The following ITGA5 variants were observed in gnomAD, a reference collection of about 807,000 sequenced individuals.
ITGA5 encodes integrin subunit alpha 5.
A neutral mutation model predicts 146.3 loss-of-function variants in ITGA5; 55 were observed. The observed-to-expected ratio is 0.38, with a 90% CI of 0.30 to 0.47. The LOEUF (loss-of-function observed/expected upper bound fraction) is 0.47. Ranked by LOEUF, ITGA5 falls within the 20% of genes least tolerant of loss-of-function variation. The pLI is 0.99. For synonymous variants in ITGA5, 500 were observed against 531.8 expected (o/e 0.94, Z 0.82); for missense variants, 1,131 against 1,329.0 (o/e 0.85, Z 2.32).
chr12:54,397,427 T>TGATCCACA lies in ITGA5; in HGVS notation c.2996_3003dup (p.Ile1002CysfsTer6). 1 of 1,614,164 alleles carries TGATCCACA rather than the reference T, an allele frequency of 6.2e-7. No individual in the cohort carries two copies. The highest frequency in any genetic ancestry group is 8.5e-7 in the Non-Finnish European group (1 of 1,180,016). On this transcript the variant is annotated frameshift_variant, in exon 29 of 30. Transcript: ENST00000293379. LOFTEE classifies it high-confidence loss of function. ...AGGCCAAACAGGATGGCTAGGATGA[T>TGATCCACA]GATCCACAGTGGGACGCCATAGCTG... is the stretch of plus-strand genomic sequence containing the variant.
Position 54,405,262 on chromosome 12 carries a change from G to A in ITGA5, c.1129C>T (p.Pro377Ser). The A allele has an allele frequency of 1.2e-6, 2 of 1,613,936 alleles. No individual in the cohort carries two copies. The highest frequency in any genetic ancestry group is 1.7e-6 in the Non-Finnish European group (2 of 1,179,930). ...VYLQHPAGIEPTPTLTLTGHD... is the reference protein window; with the variant it reads ...VYLQHPAGIESTPTLTLTGHD... ...CCAGTGAGGGTAAGGGTGGGCGTGGGCTCTATGCCGGCTGGGTGCTGCAGG... is the reference window on the plus strand; with the variant it reads ...CCAGTGAGGGTAAGGGTGGGCGTGGACTCTATGCCGGCTGGGTGCTGCAGG... Residue 377 changes from proline (P) to serine (S), a missense_variant, in exon 12 of 30, where the codon CCC becomes TCC. By Grantham distance (74) the Pro-to-Ser change is moderately conservative. This residue lies in a region of ITGA5 where 889 missense variants were observed against 1,021.5 expected (regional missense o/e 0.87). Coordinates refer to ENST00000293379, the MANE Select transcript of ITGA5 (RefSeq NM_002205.5).
chr12:54,401,366 C>T lies in ITGA5; in HGVS notation c.2493+7G>A, dbSNP rs1426907316. ...ATTCATTCTGGCCCTGCCCCTTCCC[C>T]CCTTACCTCATAGACATGGTGGACA... is the stretch of plus-strand genomic sequence containing the variant. On this transcript the variant is annotated splice_region_variant and intron_variant, in intron 24 of 29. Coordinates refer to ENST00000293379, the MANE Select transcript of ITGA5 (RefSeq NM_002205.5). This position sits in a 1 kb window ranked among gnomAD's most constrained non-coding sequence, Gnocchi z 5.0. 1 of 1,596,084 alleles carries T rather than the reference C, an allele frequency of 6.3e-7. No individual in the cohort carries two copies. Among genetic ancestry groups the T allele is most frequent in the Non-Finnish European group, 8.6e-7 (1 of 1,163,616 alleles).
intron 28 of ITGA5, among the ~76,000 whole-genome samples, chr12:54,398,020 C>T (rs968740883): frequency 1.2e-4 from 19 of 152,012 alleles, no homozygotes; most frequent in African/African-American, 4.1e-4. Context: ...GCCTCAGCCT[C>T]CCGAGTAGCT....
Position 54,402,872 on chromosome 12 carries a change from T to C in ITGA5, c.1982+111A>G, listed in dbSNP as rs150862532. 7.5e-6 allele frequency: 6 copies of C among 796,376 alleles called. No homozygotes were observed. In the East Asian group the frequency reaches 1.2e-4, roughly 16 times the overall value. The allele number at this position is 796,376 out of a possible 1,614,324, so 49.3% of individuals were successfully genotyped here. A position where few individuals can be genotyped will look rare whatever the true frequency, so the allele number is the denominator to read the frequency against. On this transcript the variant is annotated intron_variant, in intron 19 of 29. Coordinates refer to ENST00000293379, the MANE Select transcript of ITGA5 (RefSeq NM_002205.5). ...ACTATACAGACAAAGGAGTTAAAGC[T>C]CAGAGCAGCTCAGCAACTTCCCAAG...
In ITGA5 at chr12:54,404,123, A is replaced by G. The variant is rs1250430532; in HGVS notation, c.1565+22T>C. On this transcript the variant is annotated intron_variant, in intron 15 of 29. Coordinates refer to ENST00000293379, the MANE Select transcript of ITGA5 (RefSeq NM_002205.5). ...CCCACTCCCAGGCTCAGGTCTCTGC[A>G]ATTTCCTGGGCACCAGCTCACCAGG... 1.9e-6 allele frequency: 3 copies of G among 1,573,222 alleles called. No individual in the cohort carries two copies. The African/African-American group carries it at 4.1e-5, about 21-fold the overall frequency.
At chr12:54,410,055 T>A (rs1189432291) in intron 2 of ITGA5, among the ~76,000 whole-genome samples, 2 of 151,962 alleles carry the variant, frequency 1.3e-5, no homozygotes, top group African/African-American at 4.8e-5. Flanking sequence ...CGGGGTTTCA[T>A]CATGTTGGTC....
At chr12:54,407,921 C>A in intron 7 of ITGA5, 45 bp from the exon 8 acceptor site, 1 of 1,549,022 alleles carries the variant, frequency 6.5e-7, no homozygotes. Context: ...GCTTTGAGGA[C>A]CCCTCTGCTC....
Position 54,401,523 on chromosome 12 carries a change from T to A in ITGA5, c.2388-45A>T. 6.3e-7 allele frequency: 1 copy of A among 1,580,684 alleles called. No individual in the cohort carries two copies. The highest frequency in any genetic ancestry group is 8.7e-7 in the Non-Finnish European group (1 of 1,155,962). On this transcript the variant is annotated intron_variant, in intron 23 of 29. Coordinates refer to ENST00000293379, the MANE Select transcript of ITGA5 (RefSeq NM_002205.5). This position sits in a 1 kb window ranked among gnomAD's most constrained non-coding sequence, Gnocchi z 5.0. Reference sequence around the variant, plus strand: ...AGAGGAGGGTGGAAGGAACCCCATATGCATCCTTCCCTAGAAGTCTGTGTC... The same window carrying A: ...AGAGGAGGGTGGAAGGAACCCCATAAGCATCCTTCCCTAGAAGTCTGTGTC...
rs1433674231 is a variant in ITGA5, at chr12:54,416,500, A to G, written c.218+2481T>C. 6.6e-6 allele frequency among the ~76,000 whole-genome samples: 1 copy of G among 152,266 alleles called. No homozygotes were observed. The highest frequency in any genetic ancestry group is 1.5e-5 in the Non-Finnish European group (1 of 68,044). ...AGGAATATGACAGACTATTGTTACT[A>G]TCACTAGTATAAGCAAATACTCAAA... On this transcript the variant is annotated intron_variant, in intron 1 of 29. Transcript: ENST00000293379. This position sits in a 1 kb window ranked among gnomAD's most constrained non-coding sequence, Gnocchi z 4.1.
At chr12:54,414,360 T>C (rs546039833) in intron 1 of ITGA5, among the ~76,000 whole-genome samples, 1 of 152,204 alleles carries the variant, frequency 6.6e-6, no homozygotes, top group African/African-American at 2.4e-5. Context: ...CAATGGAGGG[T>C]CCGTGTGCTA....
chr12:54,401,773 T>C lies in ITGA5; in HGVS notation c.2306+3A>G, dbSNP rs752331839. Reference sequence around the variant, plus strand: ...CCCCAGCCTAGACACACTCACTCCCTACCTGAGGATCTGGAAGTCAAACTG... The same window carrying C: ...CCCCAGCCTAGACACACTCACTCCCCACCTGAGGATCTGGAAGTCAAACTG... On this transcript the variant is annotated splice_donor_region_variant and intron_variant, in intron 22 of 29. Transcript: ENST00000293379. This position sits in a 1 kb window ranked among gnomAD's most constrained non-coding sequence, Gnocchi z 5.0. 1 of 1,613,944 alleles carries C rather than the reference T, an allele frequency of 6.2e-7. No homozygotes were observed. Among genetic ancestry groups the C allele is most frequent in the Non-Finnish European group, 8.5e-7 (1 of 1,179,824 alleles).
chr12:54,413,748 A>G (rs1320189719), intron 1 of ITGA5, among the ~76,000 whole-genome samples: 1 of 152,216 alleles, frequency 6.6e-6, no homozygotes, highest in Non-Finnish European at 1.5e-5. Flanking sequence ...CAGCAGAGGT[A>G]CAGGAAGCAG....
chr12:54,398,835 C>CTCTTT, intron 27 of ITGA5, 137 bp from the exon 28 acceptor site: 1 of 220,292 alleles, frequency 4.5e-6, no homozygotes, highest in Non-Finnish European at 7.9e-6. Flanking sequence ...CTCTCTCTCT[C>CTCTTT]TTTTTTTTTT....
rs1269030163 is a variant in ITGA5 at position 54,395,484 on chromosome 12, GT to G, written c.*808del. 1 of 152,660 alleles carries G rather than the reference GT, an allele frequency of 6.6e-6. No individual in the cohort carries two copies. Among genetic ancestry groups the G allele is most frequent in the Non-Finnish European group, 1.5e-5 (1 of 68,048 alleles). 9.5% of individuals were successfully genotyped at this position (152,660 alleles called of 1,614,324 possible). The stretch of plus-strand genomic sequence containing the variant: ...AGGGCCTGTGTCTGGCCAGGCTGAG[GT>G]TCCAGATCTGTTGCCATCATGGCCC... On this transcript the variant is annotated 3_prime_UTR_variant, in exon 30 of 30. Transcript: ENST00000293379.
chr12:54,396,584 A>ATCT (rs1955713973), intron 29 of ITGA5, among the ~76,000 whole-genome samples: 4 of 152,220 alleles, frequency 2.6e-5, no homozygotes, highest in Admixed American at 2.6e-4. Context: ...TATGGGGGGT[A>ATCT]TCTTTTACCA....
rs1416104705 is a variant in ITGA5 at position 54,409,226 on chromosome 12, C to A, written c.583+6G>T. 6.2e-7 allele frequency: 1 copy of A among 1,608,172 alleles called. No homozygotes were observed. Reference sequence around the variant, plus strand: ...ACATGGGGCACAGGCCCCCTCTTGCCCCTACCTGAGCGGCAGGGTGCATAC... The same window carrying A: ...ACATGGGGCACAGGCCCCCTCTTGCACCTACCTGAGCGGCAGGGTGCATAC... On this transcript the variant is annotated splice_donor_region_variant and intron_variant, in intron 4 of 29. Transcript: ENST00000293379. The surrounding 1 kb of genome is among the most constrained non-coding windows in gnomAD (Gnocchi z 4.7).
At chr12:54,418,127 A>T (rs1388232185) in intron 1 of ITGA5, among the ~76,000 whole-genome samples, 9 of 151,342 alleles carry the variant, frequency 5.9e-5, no homozygotes, top group African/African-American at 2.2e-4. Context: ...CGGTCTCAGC[A>T]CAGCTCCAGC....
intron 5 of ITGA5, 40 bp downstream of exon 5, chr12:54,408,853 C>G: frequency 1.2e-6 from 2 of 1,613,532 alleles, no homozygotes. Flanking sequence ...CCCCCATGTC[C>G]ACCACCCACG....
At chr12:54,410,077 G>T (rs573945113) in intron 2 of ITGA5, among the ~76,000 whole-genome samples, 3 of 151,796 alleles carry the variant, frequency 2.0e-5, no homozygotes, top group Admixed American at 6.6e-5. Flanking sequence ...GGCTGATCTC[G>T]AACTCCTGAC....
Sources: allele counts gnomAD v4.1 joint callset (sites outside exome capture counted in the v4.1 genomes callset), GRCh38; gene constraint gnomAD v4.1.1; regional missense constraint gnomAD v4.1.1; non-coding constraint Gnocchi (gnomAD v3.1); transcripts MANE v1.5; gene names NCBI Gene and HGNC (gene_info 2026-07-23, HGNC 2026-07-21).